Variants in AKAP13 observed in about 807,000 individuals in gnomAD.
AKAP13 encodes the protein A-kinase anchor protein 13.
In AKAP13, 80 loss-of-function variants were observed where a neutral mutation model predicts 264.5. The observed-to-expected ratio is 0.30, with a 90% CI of 0.25 to 0.36. The LOEUF (loss-of-function observed/expected upper bound fraction) is 0.36, where lower values mean the gene tolerates loss of function less well. Ranked by LOEUF, AKAP13 falls within the 10% of genes least tolerant of loss-of-function variation. The pLI, the probability that AKAP13 is intolerant of heterozygous loss-of-function variation, is 1.00. For synonymous variants in AKAP13, 1,380 were observed against 1,250.2 expected (o/e 1.10, Z -2.19); for missense variants, 3,712 against 3,435.2 (o/e 1.08, Z -2.01).
At chr15:85,449,017 A>T (rs1161464332) in intron 1 of AKAP13, among the ~76,000 whole-genome samples, 2 of 151,958 alleles carry the variant, frequency 1.3e-5, no homozygotes, top group Non-Finnish European at 2.9e-5. Context: ...AATGATATTG[A>T]TTCTTCCTAT....
intron 8 of AKAP13, chr15:85,627,667 G>A (rs2081488109): frequency 1.3e-5 from 2 of 152,154 alleles, no homozygotes; most frequent in South Asian, 4.1e-4. Context: ...TACATTTCTG[G>A]ATACTGTTGG....
At chr15:85,620,630 G>A (rs570744882) in intron 8 of AKAP13, among the ~76,000 whole-genome samples, 13 of 151,988 alleles carry the variant, frequency 8.6e-5, no homozygotes, top group African/African-American at 2.7e-4. Flanking sequence ...CTACTGTCTC[G>A]TTCAATTCTT....
chr15:85,601,649 T>TGTGTGTGTGTG (rs1567149362), intron 8 of AKAP13, among the ~76,000 whole-genome samples: 30 of 150,990 alleles, frequency 2.0e-4, no homozygotes, highest in Non-Finnish European at 2.5e-4. Context: ...TGTGTGTGTG[T>TGTGTGTGTGTG]TTTTCTTCCA....
chr15:85,633,448 C>G (rs16973993), intron 8 of AKAP13, among the ~76,000 whole-genome samples: 6,375 of 148,514 alleles, frequency 0.043, 434 homozygotes, highest in African/African-American at 0.15. Context: ...AGCAGAGAAT[C>G]TTATTTCACA....
In AKAP13 at chr15:85,723,134, G is replaced by T; in HGVS notation, c.6559G>T (p.Ala2187Ser). 1 of 1,614,178 alleles carries T rather than the reference G, an allele frequency of 6.2e-7. No homozygotes were observed. The highest frequency in any genetic ancestry group is 1.3e-5 in the African/African-American group (1 of 75,054). Residue 2187 changes from alanine to serine, a missense_variant, in exon 26 of 37, where the codon GCT (alanine) becomes TCT (serine). Physicochemically the swap from Ala to Ser is moderately conservative, Grantham distance 99. Transcript: ENST00000394518. Reference sequence around the variant, plus strand: ...GAGCCTGGTGAAGGATGTGATTGGAGCTGTAGACAGCAAAGTGGCAAGTTA... The same window carrying T: ...GAGCCTGGTGAAGGATGTGATTGGATCTGTAGACAGCAAAGTGGCAAGTTA... ...SLSLVKDVIG[A>S]VDSKVASYEK...
chr15:85,669,857 T>C, intron 14 of AKAP13, 27 bp downstream of exon 14: 1 of 1,462,072 alleles, frequency 6.8e-7, no homozygotes, highest in Non-Finnish European at 9.5e-7. Context: ...TTAAAAAAAT[T>C]AAATATATTA....
chr15:85,640,412 G>A (rs995657074), intron 9 of AKAP13, among the ~76,000 whole-genome samples: 1 of 152,172 alleles, frequency 6.6e-6, no homozygotes, highest in African/African-American at 2.4e-5. Flanking sequence ...ATACCCTCCA[G>A]TAGTATTAAA....
At chr15:85,696,457 C>A (rs557878529) in intron 17 of AKAP13, among the ~76,000 whole-genome samples, 1 of 152,172 alleles carries the variant, frequency 6.6e-6, no homozygotes, top group African/African-American at 2.4e-5. Flanking sequence ...GACATTAACT[C>A]AATTTTTCTT....
At chr15:85,661,157 T>C (rs887812332) in intron 12 of AKAP13, among the ~76,000 whole-genome samples, 4 of 152,216 alleles carry the variant, frequency 2.6e-5, no homozygotes, top group Admixed American at 2.0e-4. Context: ...ATAGCTTTTG[T>C]TAATAAAAAT....
chr15:85,677,226 C>T (rs2084273842), intron 14 of AKAP13: 1 of 797,358 alleles, frequency 1.3e-6, no homozygotes, highest in Non-Finnish European at 1.5e-6. Flanking sequence ...CTTTGTAAGT[C>T]ATTTGTCTTT....
At chr15:85,433,004 TCTTG>T (rs2073092193) in intron 1 of AKAP13, among the ~76,000 whole-genome samples, 1 of 152,104 alleles carries the variant, frequency 6.6e-6, no homozygotes, top group Admixed American at 6.5e-5. Context: ...TTAGTTTTCT[TCTTG>T]CTTTTTTCTC....
rs1251975049 is a variant in AKAP13, at chr15:85,745,140, A to T, written c.*463A>T. The T allele has an allele frequency of 6.4e-6, 1 of 155,054 alleles. No individual in the cohort carries two copies. The highest frequency in any genetic ancestry group is 1.4e-5 in the Non-Finnish European group (1 of 69,642). 9.6% of individuals were successfully genotyped at this position (155,054 alleles called of 1,614,324 possible). ...TGCATATACACACGGGGAATGCCAG[A>T]AGAAGGCCCAGTCTGCACCAGGCGT... is the stretch of plus-strand genomic sequence containing the variant. On this transcript the variant is annotated 3_prime_UTR_variant, in exon 37 of 37. Transcript: ENST00000394518.
chr15:85,740,236 C>T lies in AKAP13; in HGVS notation c.7572C>T (p.Ser2524=), dbSNP rs189180320. 34 of 1,614,186 alleles carry T rather than the reference C, an allele frequency of 2.1e-5. No homozygotes were observed. The highest frequency in any genetic ancestry group is 6.6e-5 in the South Asian group (6 of 91,074). ...LKRNSEQVVQ[S]VVHLYELLSA... ...TCCTTTGGCAGCAGGTTGTCCAGAG[C>T]GTTGTTCATCTCTACGAGCTCCTCA... Residue 2524 remains serine (S), a synonymous_variant, in exon 34 of 37, where the codon AGC becomes AGT. Transcript: ENST00000394518.
intron 12 of AKAP13, among the ~76,000 whole-genome samples, chr15:85,664,249 T>C (rs796095807): frequency 2.6e-5 from 4 of 152,300 alleles, no homozygotes; most frequent in African/African-American, 7.2e-5. Flanking sequence ...AAAACACATA[T>C]ATAAAATATC....
chr15:85,493,211 A>C (rs1331246455), intron 2 of AKAP13, among the ~76,000 whole-genome samples: 1 of 152,196 alleles, frequency 6.6e-6, no homozygotes, highest in East Asian at 1.9e-4. Context: ...CTGAGCTATA[A>C]TGACCATTTT....
intron 5 of AKAP13, among the ~76,000 whole-genome samples, chr15:85,568,373 A>G (rs1421924601): frequency 6.6e-6 from 1 of 152,200 alleles, no homozygotes; most frequent in Non-Finnish European, 1.5e-5. Flanking sequence ...CCATAGAGAA[A>G]AGAATGGAAA....
Position 85,650,192 on chromosome 15 carries a change from G to A in AKAP13, c.4374+4238G>A, listed in dbSNP as rs180692555. 3.5e-3 allele frequency among the ~76,000 whole-genome samples: 540 copies of A among 152,334 alleles called. 4 individuals carry two copies. Among genetic ancestry groups the A allele is most frequent in the African/African-American group, 0.012 (482 of 41,570 alleles). On this transcript the variant is annotated intron_variant, in intron 10 of 36. Transcript: ENST00000394518. ...CACTTGTAATCCCAACACTTCGGGA[G>A]GCTGAAGTGGGAGGACTGCTTGAGT...
intron 5 of AKAP13, among the ~76,000 whole-genome samples, chr15:85,561,158 A>G (rs935228484): frequency 6.6e-6 from 1 of 150,824 alleles, no homozygotes; most frequent in African/African-American, 2.4e-5. Flanking sequence ...CCCAGGTTCA[A>G]GTGATTCTCC....
At chr15:85,464,717 G>A (rs911506041) in intron 1 of AKAP13, among the ~76,000 whole-genome samples, 3 of 152,166 alleles carry the variant, frequency 2.0e-5, no homozygotes. Flanking sequence ...TTTAACCTCA[G>A]GCAGTCTGAT....
Sources: allele counts gnomAD v4.1 joint callset (sites outside exome capture counted in the v4.1 genomes callset), GRCh38; gene constraint gnomAD v4.1.1; transcripts MANE v1.5; gene names NCBI Gene and HGNC (gene_info 2026-07-23, HGNC 2026-07-21).